DLG5: variants seen among roughly 807,000 people sequenced by gnomAD.
DLG5 encodes discs large MAGUK scaffold protein 5.
DLG5 carries 48 observed loss-of-function variants against 189.8 expected under a neutral mutation model. That is an observed-to-expected ratio of 0.25 (90% CI 0.20 to 0.32). DLG5 has a LOEUF of 0.32. DLG5 is among the 10% of genes least tolerant of loss of function. The probability of loss-of-function intolerance (pLI) is 1.00; values close to 1 mark genes in which losing one functional copy is unlikely to be tolerated. For synonymous variants in DLG5, 1,016 were observed against 1,054.1 expected (o/e 0.96, Z 0.70); for missense variants, 2,160 against 2,544.7 (o/e 0.85, Z 3.25).
chr10:77,882,736 A>C lies in DLG5; in HGVS notation c.305-13539T>G, dbSNP rs191815882. On this transcript the variant is annotated intron_variant, in intron 1 of 31. Coordinates refer to ENST00000372391, the MANE Select transcript of DLG5 (RefSeq NM_004747.4). ...AGACCAGCCTGGCCAACATGGTGAA[A>C]CCTCGTCTCTACTAAAAAAATACAA... Among the ~76,000 whole-genome samples, 1,000 of 146,734 alleles carry C rather than the reference A, an allele frequency of 6.8e-3. 17 individuals carry two copies. The highest frequency in any genetic ancestry group is 0.024 in the African/African-American group (926 of 39,090).
intron 5 of DLG5, among the ~76,000 whole-genome samples, chr10:77,851,155 G>A (rs1164454134): frequency 3.9e-5 from 6 of 152,244 alleles, no homozygotes; most frequent in African/African-American, 9.7e-5. Context: ...GCAGCTTCCT[G>A]GGAGCTTTGT....
intron 3 of DLG5, among the ~76,000 whole-genome samples, chr10:77,855,073 C>G (rs1844166974): frequency 6.6e-6 from 1 of 152,174 alleles, no homozygotes. Flanking sequence ...AACAATGACT[C>G]TCAATCTTGG....
rs199750763 is a variant in DLG5, at chr10:77,835,264, A to T, written c.1622+474T>A. On this transcript the variant is annotated intron_variant, in intron 8 of 31. Transcript: ENST00000372391. ...CTCTGGGGAGACCTCCCCACACCCC[A>T]GGGAGCCCTGCATGCCCCCCACAGC... Among the ~76,000 whole-genome samples, 93 of 152,118 alleles carry T rather than the reference A, an allele frequency of 6.1e-4. 1 individual carries two copies. The East Asian group carries it at 0.016, about 26-fold the overall frequency.
At chr10:77,862,171 G>T (rs1271130877) in intron 2 of DLG5, among the ~76,000 whole-genome samples, 1 of 152,046 alleles carries the variant, frequency 6.6e-6, no homozygotes, top group African/African-American at 2.4e-5. Flanking sequence ...TGGTTGTCAG[G>T]ATCCCTCAAA....
chr10:77,931,836 G>C, the DLG5 span, among the ~76,000 whole-genome samples: 1 of 152,136 alleles, frequency 6.6e-6, no homozygotes, highest in Non-Finnish European at 1.5e-5. Context: ...ATGTATCCTG[G>C]GGCTAGGTAC....
intron 7 of DLG5, among the ~76,000 whole-genome samples, chr10:77,838,272 G>A (rs1843246909): frequency 6.6e-6 from 1 of 152,170 alleles, no homozygotes; most frequent in Non-Finnish European, 1.5e-5. Context: ...AGGAAAGTGC[G>A]TTGGAACCTG....
intron 7 of DLG5, among the ~76,000 whole-genome samples, chr10:77,836,811 T>C (rs1843161189): frequency 6.6e-6 from 1 of 152,148 alleles, no homozygotes; most frequent in Non-Finnish European, 1.5e-5. Flanking sequence ...CTGGGGGTCA[T>C]TCAAATCATT....
chr10:77,844,026 G>A (rs552540394), intron 5 of DLG5, among the ~76,000 whole-genome samples: 215 of 152,264 alleles, frequency 1.4e-3, no homozygotes, highest in Non-Finnish European at 2.0e-3. Context: ...CTAGGAACCC[G>A]AACAGTAAAC....
the DLG5 span, among the ~76,000 whole-genome samples, chr10:77,933,570 A>C: frequency 6.6e-6 from 1 of 152,088 alleles, no homozygotes; most frequent in Admixed American, 6.6e-5. Context: ...CTAAGATTAC[A>C]GGGGTGAGCC....
chr10:77,814,461 T>TTATATA (rs59297524), intron 20 of DLG5, among the ~76,000 whole-genome samples: 760 of 70,624 alleles, frequency 0.011, 34 homozygotes, highest in Non-Finnish European at 0.016. Flanking sequence ...TAAAGCATGT[T>TTATATA]TATATATATA....
chr10:77,813,986 C>CT (rs1209846420), intron 20 of DLG5, among the ~76,000 whole-genome samples: 22 of 150,662 alleles, frequency 1.5e-4, no homozygotes, highest in Admixed American at 2.6e-4. Flanking sequence ...TTTTTTCTTT[C>CT]TTTTTTTTTG....
intron 8 of DLG5, among the ~76,000 whole-genome samples, 186 bp downstream of exon 8, chr10:77,835,552 C>A (rs1286821364): frequency 6.6e-6 from 1 of 152,116 alleles, no homozygotes; most frequent in African/African-American, 2.4e-5. Flanking sequence ...GAGGGAGAAA[C>A]AATGGAAAAT....
chr10:77,918,931 A>G (rs1305939224), intron 1 of DLG5, among the ~76,000 whole-genome samples: 1 of 152,082 alleles, frequency 6.6e-6, no homozygotes, highest in Non-Finnish European at 1.5e-5. Flanking sequence ...AAAATGAGAC[A>G]ACGGCCGAGA....
At chr10:77,906,650 A>G (rs1290060587) in intron 1 of DLG5, among the ~76,000 whole-genome samples, 1 of 109,448 alleles carries the variant, frequency 9.1e-6, no homozygotes, top group Non-Finnish European at 1.7e-5. Flanking sequence ...CCTGAGATGG[A>G]GTCTCACTCT....
intron 1 of DLG5, among the ~76,000 whole-genome samples, chr10:77,888,174 C>T (rs1019877724): frequency 6.6e-6 from 1 of 152,058 alleles, no homozygotes; most frequent in Admixed American, 6.6e-5. Flanking sequence ...GAGAGGTGGG[C>T]GGGGAGGGCT....
chr10:77,913,324 A>C (rs1846276493), intron 1 of DLG5, among the ~76,000 whole-genome samples: 1 of 152,206 alleles, frequency 6.6e-6, no homozygotes, highest in Admixed American at 6.5e-5. Flanking sequence ...CTTCAGAGAC[A>C]ACATCAACTA....
intron 15 of DLG5, chr10:77,820,529 GA>G (rs1160272882): frequency 6.0e-6 from 1 of 166,484 alleles, no homozygotes; most frequent in Non-Finnish European, 1.3e-5. Flanking sequence ...GAAAACCACA[GA>G]GAATGAATCT....
In DLG5 at chr10:77,843,705, A is replaced by T; in HGVS notation, c.866T>A (p.Val289Glu). 1 of 1,613,840 alleles carries T rather than the reference A, an allele frequency of 6.2e-7. No homozygotes were observed. Among genetic ancestry groups the T allele is most frequent in the Non-Finnish European group, 8.5e-7 (1 of 1,179,952 alleles). ...IGDLRAQQQQ[V>E]LKHNGSSEIL... ...CTCGGATGACCCGTTGTGCTTCAAC[A>T]CCTGGAGACCAGACAGTTTCACTTA... The change falls in exon 6 of 32, where the codon GTG (valine) becomes GAG (glutamate). Residue 289 changes from valine (V) to glutamate (E), a missense_variant and splice_region_variant. By Grantham distance (121) the Val-to-Glu change is moderately radical. Around this residue, in one of 5 missense-constraint regions of DLG5, gnomAD observed 664 missense variants for 838.5 expected, o/e 0.79. Coordinates refer to ENST00000372391, the MANE Select transcript of DLG5 (RefSeq NM_004747.4).
At chr10:77,842,387 C>T (rs1843467452) in intron 6 of DLG5, among the ~76,000 whole-genome samples, 194 bp from the exon 7 acceptor site, 1 of 152,222 alleles carries the variant, frequency 6.6e-6, no homozygotes, top group African/African-American at 2.4e-5. Flanking sequence ...TTTTTCTCAG[C>T]CCTTTACAAA....
Sources: gnomAD v4.1 joint callset for allele counts (sites outside exome capture counted in the v4.1 genomes callset) on GRCh38, gnomAD v4.1.1 for gene constraint, gnomAD v4.1.1 regional missense constraint, MANE v1.5 for transcripts, NCBI Gene and HGNC (gene_info 2026-07-23, HGNC 2026-07-21) for gene names.